Variants in MYPOP observed in about 807,000 individuals in gnomAD.
The protein encoded by MYPOP is myb-related transcription factor, partner of profilin.
MYPOP carries 21 observed loss-of-function variants against 25.7 expected under a neutral mutation model. That is an observed-to-expected ratio of 0.82 (90% confidence interval 0.58 to 1.18). The LOEUF (loss-of-function observed/expected upper bound fraction) is 1.18, where lower values mean the gene tolerates loss of function less well. Among genes scored for constraint, MYPOP ranks in the 50% most tolerant of loss-of-function variants. The probability of loss-of-function intolerance (pLI) is 0.00; values close to 1 mark genes in which losing one functional copy is unlikely to be tolerated. For synonymous variants in MYPOP, 280 were observed against 247.9 expected, an observed-to-expected ratio of 1.13 and a Z score of -1.22; for missense variants, 566 against 588.3, an observed-to-expected ratio of 0.96 and a Z score of 0.39.
intron 2 of MYPOP, among the ~76,000 whole-genome samples, chr19:45,898,660 G>A (rs544066328): frequency 2.6e-5 from 4 of 152,102 alleles, no homozygotes; most frequent in South Asian, 4.2e-4. Context: ...TGCTCTACGC[G>A]TGTTCCTGCC....
At chr19:45,897,458 C>T (rs762616522) in intron 2 of MYPOP, among the ~76,000 whole-genome samples, 6 of 152,158 alleles carry the variant, frequency 3.9e-5, no homozygotes, top group Admixed American at 6.6e-5. Context: ...ATTGCAGAAA[C>T]GTGGCTTTTC....
Position 45,891,273 on chromosome 19 carries a change from G to C in MYPOP, c.550C>G (p.Arg184Gly), listed in dbSNP as rs752079720. 3 of 1,551,882 alleles carry C rather than the reference G, an allele frequency of 1.9e-6. No individual in the cohort carries two copies. Among genetic ancestry groups the C allele is most frequent in the East Asian group, 2.3e-5 (1 of 43,572 alleles). Residue 184 changes from arginine to glycine, a missense_variant, in exon 3 of 3, where the codon CGG (arginine) becomes GGG (glycine). Physicochemically the swap from Arg to Gly is moderately radical, Grantham distance 125 (BLOSUM62 -2). Coordinates refer to ENST00000322217, the MANE Select transcript of MYPOP (RefSeq NM_001012643.4). Reference protein sequence around the residue: ...AGSSSPEPWARPSCTPQEGGC... With the variant: ...AGSSSPEPWAGPSCTPQEGGC... The stretch of plus-strand genomic sequence containing the variant: ...CCTTCCTGGGGAGTGCAGGAGGGCC[G>C]GGCCCATGGCTCCGGGCTGCTGGAG...
intron 2 of MYPOP, among the ~76,000 whole-genome samples, chr19:45,892,899 T>C (rs909333775): frequency 5.3e-5 from 8 of 152,140 alleles, no homozygotes; most frequent in African/African-American, 1.9e-4. Flanking sequence ...CCAACCAAAA[T>C]ACAAGTCAGT....
intron 2 of MYPOP, among the ~76,000 whole-genome samples, chr19:45,894,696 C>CAT (rs778892466): frequency 2.2e-4 from 33 of 151,232 alleles, no homozygotes; most frequent in African/African-American, 2.2e-4. Flanking sequence ...ATTATATCGC[C>CAT]ATATATATAT....
At chr19:45,900,750 T>C (rs1375865595) in intron 2 of MYPOP, among the ~76,000 whole-genome samples, 2 of 152,190 alleles carry the variant, frequency 1.3e-5, no homozygotes, top group Non-Finnish European at 2.9e-5. Flanking sequence ...ATTTATGAAA[T>C]AGTGAAATAG....
chr19:45,892,743 A>C (rs1022035413), intron 2 of MYPOP, among the ~76,000 whole-genome samples: 1 of 152,062 alleles, frequency 6.6e-6, no homozygotes, highest in Non-Finnish European at 1.5e-5. Flanking sequence ...AATTAAATAC[A>C]TACAACTTCT....
chr19:45,901,366 G>T lies in MYPOP; in HGVS notation c.408C>A (p.Pro136=). 1 of 1,475,106 alleles carries T rather than the reference G, an allele frequency of 6.8e-7. No individual in the cohort carries two copies. Among genetic ancestry groups the T allele is most frequent in the East Asian group, 2.5e-5 (1 of 39,716 alleles). The allele number at this position is 1,475,106 out of a possible 1,614,324, so 91.4% of individuals were successfully genotyped here. A position where few individuals can be genotyped will look rare whatever the true frequency, so the allele number is the denominator to read the frequency against. Reference sequence around the variant, plus strand: ...GCGGCTGTGAAGAGGGGGCCGCAGGGGGCTCCTCCGCCCCAGCACCTGCCC... The same window carrying T: ...GCGGCTGTGAAGAGGGGGCCGCAGGTGGCTCCTCCGCCCCAGCACCTGCCC... The part of the protein sequence containing the change: ...APGAGAGAEE[P]PAAPSSQPPP... Residue 136 remains proline (P), a synonymous_variant, in exon 2 of 3, where the codon CCC becomes CCA. Transcript: ENST00000322217. The surrounding 1 kb of genome is among the most constrained non-coding windows in gnomAD (Gnocchi z 5.7).
intron 2 of MYPOP, among the ~76,000 whole-genome samples, chr19:45,893,020 T>C (rs1967147365): frequency 6.6e-6 from 1 of 152,242 alleles, no homozygotes; most frequent in East Asian, 1.9e-4. Flanking sequence ...ATGCCTGTAA[T>C]CCCAGCACTT....
intron 2 of MYPOP, among the ~76,000 whole-genome samples, chr19:45,898,979 C>A (rs1967247848): frequency 6.6e-6 from 1 of 152,192 alleles, no homozygotes; most frequent in African/African-American, 2.4e-5. Context: ...GTAATCCCAG[C>A]ACTTTGGGTG....
At position 45,891,190 on chromosome 19, in the gene MYPOP, G is replaced by A; in HGVS notation, c.633C>T (p.Val211=). Residue 211 remains valine, a synonymous_variant, in exon 3 of 3, where the codon GTC becomes GTT. Coordinates refer to ENST00000322217, the MANE Select transcript of MYPOP (RefSeq NM_001012643.4). ...GAGACAAGGCCAGGCGAGGCAGCTG[G>A]ACCGGCTGCAGGGCCGAAGGGGGTG... is the stretch of plus-strand genomic sequence containing the variant. The part of the protein sequence containing the change: ...ESPPPSALQP[V]QLPRLALSPP... 6.5e-7 allele frequency: 1 copy of A among 1,528,940 alleles called. No homozygotes were observed. The highest frequency in any genetic ancestry group is 1.2e-5 in the South Asian group (1 of 82,852). 94.7% of individuals were successfully genotyped at this position (1,528,940 alleles called of 1,614,324 possible).
chr19:45,890,561 G>GC lies in MYPOP; in HGVS notation c.*61dup, dbSNP rs1405760998. 3 of 1,583,264 alleles carry GC rather than the reference G, an allele frequency of 1.9e-6. No individual in the cohort carries two copies. The highest frequency in any genetic ancestry group is 8.6e-7 in the Non-Finnish European group (1 of 1,162,978). ...GCAGCTGGGATGGGCAGAGAGCATC[G>GC]CCCCCCTCGACTGCGCCAAGCTGGG... On this transcript the variant is annotated 3_prime_UTR_variant, in exon 3 of 3. Coordinates refer to ENST00000322217, the MANE Select transcript of MYPOP (RefSeq NM_001012643.4).
At position 45,891,172 on chromosome 19, in the gene MYPOP, G is replaced by T; in HGVS notation, c.651C>A (p.Ala217=). The T allele has an allele frequency of 6.6e-7, 1 of 1,523,968 alleles. No individual in the cohort carries two copies. The highest frequency in any genetic ancestry group is 8.8e-7 in the Non-Finnish European group (1 of 1,140,226). 94.4% of individuals were successfully genotyped at this position (1,523,968 alleles called of 1,614,324 possible). The part of the protein sequence containing the change: ...ALQPVQLPRL[A]LSPPPPAPPL... ...GAGGGGCTGGGGGTGGTGGAGACAA[G>T]GCCAGGCGAGGCAGCTGGACCGGCT... The change falls in exon 3 of 3, where the codon GCC becomes GCA. Residue 217 remains alanine, a synonymous_variant. Coordinates refer to ENST00000322217, the MANE Select transcript of MYPOP (RefSeq NM_001012643.4).
intron 2 of MYPOP, among the ~76,000 whole-genome samples, chr19:45,894,144 G>C (rs1326415320): frequency 7.1e-6 from 1 of 141,648 alleles, no homozygotes; most frequent in Non-Finnish European, 1.5e-5. Flanking sequence ...ACGGAGTCTC[G>C]CTCTGTCGCC....
At chr19:45,892,424 G>T (rs1418659036) in intron 2 of MYPOP, among the ~76,000 whole-genome samples, 1 of 152,122 alleles carries the variant, frequency 6.6e-6, no homozygotes, top group Admixed American at 6.6e-5. Context: ...GTACTCACCT[G>T]GGGTCTCATT....
At chr19:45,898,112 A>G (rs1398110564) in intron 2 of MYPOP, among the ~76,000 whole-genome samples, 1 of 150,838 alleles carries the variant, frequency 6.6e-6, no homozygotes, top group Non-Finnish European at 1.5e-5. Context: ...TTTAGTAGAG[A>G]CGGGGTTTCG....
At chr19:45,899,577 G>A (rs1467368204) in intron 2 of MYPOP, among the ~76,000 whole-genome samples, 1 of 151,886 alleles carries the variant, frequency 6.6e-6, no homozygotes, top group Admixed American at 6.6e-5. Context: ...TGGTGGCTCA[G>A]GCCTGTAATC....
intron 2 of MYPOP, among the ~76,000 whole-genome samples, chr19:45,900,784 T>G (rs1309075946): frequency 6.6e-6 from 1 of 152,180 alleles, no homozygotes; most frequent in African/African-American, 2.4e-5. Context: ...GCATTGATGA[T>G]TCTATCAAGA....
rs1405679212 is a variant in MYPOP at position 45,901,225 on chromosome 19, T to TA, written c.499+49dup. On this transcript the variant is annotated intron_variant, in intron 2 of 2. Transcript: ENST00000322217. The surrounding 1 kb of genome is among the most constrained non-coding windows in gnomAD (Gnocchi z 5.7). ...TGCAGCAAGGCTTTGATGAGACATG[T>TA]AAAAGGCTTGCAACAGCGCAGGCAC... 1 of 1,397,568 alleles carries TA rather than the reference T, an allele frequency of 7.2e-7. No individual in the cohort carries two copies. The highest frequency in any genetic ancestry group is 1.5e-5 in the African/African-American group (1 of 65,726). 86.6% of individuals were successfully genotyped at this position (1,397,568 alleles called of 1,614,324 possible).
intron 2 of MYPOP, among the ~76,000 whole-genome samples, chr19:45,892,161 T>TC (rs1488883983): frequency 6.6e-6 from 1 of 152,076 alleles, no homozygotes; most frequent in East Asian, 1.9e-4. Context: ...CCTCAAGCAA[T>TC]CCACCCACCT....
Sources: allele counts gnomAD v4.1 joint callset (sites outside exome capture counted in the v4.1 genomes callset), GRCh38; gene constraint gnomAD v4.1.1; non-coding constraint Gnocchi (gnomAD v3.1); transcripts MANE v1.5; gene names NCBI Gene and HGNC (gene_info 2026-07-23, HGNC 2026-07-21).